Variants in TMEM132B observed in about 807,000 individuals in gnomAD.
The protein encoded by TMEM132B is transmembrane protein 132B.
Under a neutral mutation model 90.8 loss-of-function variants are expected in TMEM132B, and 18 were observed. That is an observed-to-expected ratio of 0.20 (90% confidence interval 0.14 to 0.29). The LOEUF (loss-of-function observed/expected upper bound fraction) is 0.29. Among genes scored for constraint, TMEM132B ranks in the 10% least tolerant of loss-of-function variants. The probability of loss-of-function intolerance (pLI) is 1.00; values close to 1 mark genes in which losing one functional copy is unlikely to be tolerated. For synonymous variants in TMEM132B, 504 were observed against 523.3 expected (o/e 0.96, Z 0.50); for missense variants, 1,096 against 1,326.8 (o/e 0.83, Z 2.70).
chr12:125,421,485 A>G (rs889272182), intron 3 of TMEM132B, among the ~76,000 whole-genome samples: 2 of 152,228 alleles, frequency 1.3e-5, no homozygotes, highest in Non-Finnish European at 2.9e-5. Flanking sequence ...TCATGAGAAC[A>G]GCACAGGAAA....
At chr12:125,335,730 T>C (rs1876935068) in intron 1 of TMEM132B, among the ~76,000 whole-genome samples, 1 of 152,192 alleles carries the variant, frequency 6.6e-6, no homozygotes, top group Non-Finnish European at 1.5e-5. Context: ...CTCATGCCTG[T>C]AATCCCAGCA....
At chr12:125,474,204 T>G (rs576934311) in intron 3 of TMEM132B, among the ~76,000 whole-genome samples, 78 of 151,658 alleles carry the variant, frequency 5.1e-4, no homozygotes, top group African/African-American at 1.8e-3. Context: ...CTTCCTGCCT[T>G]CCTTCTTTAC....
At chr12:125,484,624 A>G (rs1457529561) in intron 3 of TMEM132B, among the ~76,000 whole-genome samples, 1 of 152,026 alleles carries the variant, frequency 6.6e-6, no homozygotes, top group Non-Finnish European at 1.5e-5. Context: ...TGTTTCTGAA[A>G]CTCATTGTTA....
At chr12:125,225,806 C>T (rs1459423471) in intron 1 of TMEM132B, among the ~76,000 whole-genome samples, 2 of 152,138 alleles carry the variant, frequency 1.3e-5, no homozygotes, top group African/African-American at 4.8e-5. Context: ...TAGTGCACCT[C>T]CTTCTTACTT....
chr12:125,503,423 A>T (rs546101675), intron 3 of TMEM132B, among the ~76,000 whole-genome samples: 1 of 152,314 alleles, frequency 6.6e-6, no homozygotes, highest in Non-Finnish European at 1.5e-5. Flanking sequence ...CAGGCCAATT[A>T]GTGGTCTTTT....
rs1340478441 is a variant in TMEM132B at position 125,492,174 on chromosome 12, C to T, written c.1107-27265C>T. On this transcript the variant is annotated intron_variant, in intron 3 of 8. Transcript: ENST00000682704. The surrounding 1 kb of genome is among the most constrained non-coding windows in gnomAD (Gnocchi z 5.8). The stretch of plus-strand genomic sequence containing the variant: ...GCTGCCCGCCCCCACCGCTCCTCAC[C>T]TTGCAGAAATGGGGTACTGGGGCGC... 5.3e-5 allele frequency among the ~76,000 whole-genome samples: 8 copies of T among 152,192 alleles called. No individual in the cohort carries two copies. Among genetic ancestry groups the T allele is most frequent in the Admixed American group, 4.6e-4 (7 of 15,280 alleles).
At chr12:125,617,272 G>A (rs1295220563) in intron 5 of TMEM132B, among the ~76,000 whole-genome samples, 1 of 151,736 alleles carries the variant, frequency 6.6e-6, no homozygotes, top group Non-Finnish European at 1.5e-5. Context: ...TCACTTCTCA[G>A]AAGGCACATC....
intron 3 of TMEM132B, among the ~76,000 whole-genome samples, chr12:125,418,337 C>T (rs900030502): frequency 5.3e-5 from 8 of 152,108 alleles, no homozygotes; most frequent in African/African-American, 1.4e-4. Flanking sequence ...GACACTCTCA[C>T]ATTGTCTCAT....
intron 3 of TMEM132B, among the ~76,000 whole-genome samples, chr12:125,432,178 C>T (rs965544267): frequency 4.6e-5 from 7 of 151,332 alleles, no homozygotes; most frequent in East Asian, 1.9e-4. Context: ...GTTGGGCAGA[C>T]GCCATGGTCA....
chr12:125,420,250 A>C (rs1880132607), intron 3 of TMEM132B, among the ~76,000 whole-genome samples: 1 of 152,224 alleles, frequency 6.6e-6, no homozygotes, highest in Non-Finnish European at 1.5e-5. Context: ...GCCCTAGCAG[A>C]GGTTCTCCAT....
chr12:125,189,872 C>T (rs1284394413), intron 1 of TMEM132B, among the ~76,000 whole-genome samples: 2 of 152,146 alleles, frequency 1.3e-5, no homozygotes, highest in Non-Finnish European at 2.9e-5. Context: ...GATGCGTCTC[C>T]CAGCTCTATG....
intron 2 of TMEM132B, among the ~76,000 whole-genome samples, chr12:125,359,214 G>A (rs1386631253): frequency 6.6e-6 from 1 of 152,120 alleles, no homozygotes; most frequent in Non-Finnish European, 1.5e-5. Flanking sequence ...TACCTGACAG[G>A]GTGAATGTTT....
At chr12:125,534,378 A>T (rs1883738230) in intron 4 of TMEM132B, among the ~76,000 whole-genome samples, 1 of 152,144 alleles carries the variant, frequency 6.6e-6, no homozygotes, top group Admixed American at 6.5e-5. Flanking sequence ...TTGGCCATAC[A>T]TGGTGACACA....
chr12:125,242,630 A>G (rs1874097684), intron 1 of TMEM132B, among the ~76,000 whole-genome samples: 2 of 152,042 alleles, frequency 1.3e-5, no homozygotes, highest in Admixed American at 6.6e-5. Context: ...TGGAGGAGGA[A>G]CCCCGTGCAC....
chr12:125,373,398 G>A (rs1878362512), intron 2 of TMEM132B, among the ~76,000 whole-genome samples: 1 of 152,140 alleles, frequency 6.6e-6, no homozygotes, highest in African/African-American at 2.4e-5. Flanking sequence ...TCATTAGGGT[G>A]GGCTTTAATC....
At chr12:125,627,554 G>A (rs750662816) in intron 5 of TMEM132B, among the ~76,000 whole-genome samples, 5 of 151,776 alleles carry the variant, frequency 3.3e-5, no homozygotes, top group East Asian at 1.9e-4. Flanking sequence ...AATTTTTATG[G>A]TACATATTTA....
chr12:125,336,143 A>G (rs537734594), intron 1 of TMEM132B, among the ~76,000 whole-genome samples: 9 of 152,284 alleles, frequency 5.9e-5, no homozygotes, highest in East Asian at 1.9e-4. Flanking sequence ...AAATTTTTGT[A>G]GTCAAACTCT....
intron 4 of TMEM132B, among the ~76,000 whole-genome samples, chr12:125,523,554 A>G (rs1291394567): frequency 6.6e-6 from 1 of 152,024 alleles, no homozygotes; most frequent in Non-Finnish European, 1.5e-5. Context: ...CAAGTAACAT[A>G]TTCACAGGTT....
At chr12:125,604,562 A>G (rs955117032) in intron 5 of TMEM132B, among the ~76,000 whole-genome samples, 1 of 152,238 alleles carries the variant, frequency 6.6e-6, no homozygotes, top group Non-Finnish European at 1.5e-5. Context: ...ACATATACCT[A>G]TGTAACAAAC....
Sources: gnomAD v4.1 joint callset for allele counts (sites outside exome capture counted in the v4.1 genomes callset) on GRCh38, gnomAD v4.1.1 for gene constraint, Gnocchi (gnomAD v3.1) non-coding constraint, MANE v1.5 for transcripts, NCBI Gene and HGNC (gene_info 2026-07-23, HGNC 2026-07-21) for gene names.